ZBTB7B: variants seen among roughly 807,000 people sequenced by gnomAD.
The protein encoded by ZBTB7B is zinc finger and BTB domain-containing protein 7B.
Under a neutral mutation model 31.0 loss-of-function variants are expected in ZBTB7B, and 8 were observed. That is an observed-to-expected ratio of 0.26 (90% CI 0.15 to 0.47). The LOEUF (loss-of-function observed/expected upper bound fraction) is 0.47. ZBTB7B is among the 20% of genes least tolerant of loss of function. The pLI is 0.99. For synonymous variants in ZBTB7B, 261 were observed against 307.3 expected, an observed-to-expected ratio of 0.85 and a Z score of 1.58; for missense variants, 494 against 742.4, an observed-to-expected ratio of 0.67 and a Z score of 3.89.
In ZBTB7B at chr1:155,003,177, C is replaced by T. The variant is rs1376716532; in HGVS notation, c.-7+234C>T. On this transcript the variant is annotated intron_variant, in intron 1 of 2. Coordinates refer to ENST00000535420, the MANE Select transcript of ZBTB7B (RefSeq NM_001256455.2). This position sits in a 1 kb window ranked among gnomAD's most constrained non-coding sequence, Gnocchi z 5.8. ...TGCCCCCCAACCCTAGGCGGAGGGT[C>T]CCCAGAAAGTTTATCTGCACTTCTC... is the stretch of plus-strand genomic sequence containing the variant. Among the ~76,000 whole-genome samples the T allele has an allele frequency of 4.6e-5, 7 of 152,322 alleles. No individual in the cohort carries two copies. The East Asian group carries it at 1.2e-3, about 25-fold the overall frequency.
intron 1 of ZBTB7B, among the ~76,000 whole-genome samples, chr1:155,012,209 G>A (rs1485926432): frequency 1.3e-5 from 2 of 152,094 alleles, no homozygotes; most frequent in African/African-American, 4.8e-5. Context: ...AAGTTGCCAC[G>A]GAGACCGGCC....
chr1:155,017,348 G>GGGGGCAGTA lies in ZBTB7B; in HGVS notation c.*665_*673dup, dbSNP rs1558093615. The GGGGGCAGTA allele has an allele frequency of 9.5e-6, 1 of 104,936 alleles. No individual in the cohort carries two copies. Among genetic ancestry groups the GGGGGCAGTA allele is most frequent in the Admixed American group, 8.8e-5 (1 of 11,314 alleles). The allele number at this position is 104,936 out of a possible 1,614,324, so 6.5% of individuals were successfully genotyped here. Reference sequence around the variant, plus strand: ...TGGCCTGATTGGCTCGCCTGCCCCTGGGGGCAGTAGAGGGGCCCCGCCCAG... The same window carrying GGGGGCAGTA: ...TGGCCTGATTGGCTCGCCTGCCCCTGGGGGCAGTAGGGGCAGTAGAGGGGCCCCGCCCAG... On this transcript the variant is annotated 3_prime_UTR_variant, in exon 3 of 3. Transcript: ENST00000535420.
Position 155,015,088 on chromosome 1 carries a change from G to T in ZBTB7B, c.428G>T (p.Gly143Val). 1 of 1,613,728 alleles carries T rather than the reference G, an allele frequency of 6.2e-7. No homozygotes were observed. The highest frequency in any genetic ancestry group is 1.1e-5 in the South Asian group (1 of 91,090). ...GCTGCTTGCATGGAGATTCTGCAGG[G>T]CAGTGGGCTAGAAGCTCCCAGCCCG... ...VIAACMEILQ[G>V]SGLEAPSPDE... The change falls in exon 2 of 3, where the codon GGC becomes GTC. Residue 143 changes from glycine (G) to valine (V), a missense_variant. By Grantham distance (109) the Gly-to-Val change is moderately radical. This residue lies in a region of ZBTB7B where 90 missense variants were observed against 143.2 expected (regional missense o/e 0.63). Coordinates refer to ENST00000535420, the MANE Select transcript of ZBTB7B (RefSeq NM_001256455.2).
Position 155,016,158 on chromosome 1 carries a change from C to A in ZBTB7B, c.1155-62C>A. ...ATGGGACAAGGCCAGGGTGGGATGA[C>A]CAGGAGGAGCCAGGGATCCCATCCT... On this transcript the variant is annotated intron_variant, in intron 2 of 2. Transcript: ENST00000535420. This position sits in a 1 kb window ranked among gnomAD's most constrained non-coding sequence, Gnocchi z 4.3. 1.9e-6 allele frequency: 3 copies of A among 1,542,534 alleles called. No homozygotes were observed. Among genetic ancestry groups the A allele is most frequent in the Non-Finnish European group, 2.7e-6 (3 of 1,129,434 alleles).
chr1:155,005,919 G>A (rs991634955), intron 1 of ZBTB7B, among the ~76,000 whole-genome samples: 9 of 152,232 alleles, frequency 5.9e-5, no homozygotes, highest in Non-Finnish European at 1.3e-4. Flanking sequence ...TGGGAGGAAG[G>A]GGATAGAGCT....
rs539896975 is a variant in ZBTB7B, at chr1:155,004,400, G to A, written c.-7+1457G>A. On this transcript the variant is annotated intron_variant, in intron 1 of 2. Transcript: ENST00000535420. The surrounding 1 kb of genome is among the most constrained non-coding windows in gnomAD (Gnocchi z 4.0). The stretch of plus-strand genomic sequence containing the variant: ...CCAGATTGGGCTGTGAGGGGTTAAA[G>A]CAGGATGGGAACTGTCTGGTCCCTA... Among the ~76,000 whole-genome samples the A allele has an allele frequency of 1.3e-5, 2 of 152,282 alleles. No individual in the cohort carries two copies. The highest frequency in any genetic ancestry group is 1.9e-4 in the East Asian group (1 of 5,182).
rs1659581825 is a variant in ZBTB7B at position 155,017,868 on chromosome 1, C to T, written c.*1183C>T. On this transcript the variant is annotated 3_prime_UTR_variant, in exon 3 of 3. Transcript: ENST00000535420. ...CCCAGATCCTTGCCAGCCGGGCTTC[C>T]TGTCAGGCAGGGGAGAATAATCCCC... 6.6e-6 allele frequency: 1 copy of T among 152,454 alleles called. No homozygotes were observed. Among genetic ancestry groups the T allele is most frequent in the Non-Finnish European group, 1.5e-5 (1 of 68,154 alleles). The allele number at this position is 152,454 out of a possible 1,614,324, so 9.4% of individuals were successfully genotyped here.
chr1:155,004,054 C>T lies in ZBTB7B; in HGVS notation c.-7+1111C>T, dbSNP rs964864916. 2.6e-5 allele frequency among the ~76,000 whole-genome samples: 4 copies of T among 152,084 alleles called. No individual in the cohort carries two copies. The highest frequency in any genetic ancestry group is 9.7e-5 in the African/African-American group (4 of 41,410). ...GGGCGGCTGAGACATGGTGAGACCT[C>T]GGGGCGCCCTGGGGGGCAGGGGGGC... On this transcript the variant is annotated intron_variant, in intron 1 of 2. Transcript: ENST00000535420. The surrounding 1 kb of genome is among the most constrained non-coding windows in gnomAD (Gnocchi z 4.0).
chr1:155,013,974 T>C, intron 1 of ZBTB7B: 1 of 956,310 alleles, frequency 1.0e-6, no homozygotes, highest in Non-Finnish European at 1.2e-6. Flanking sequence ...AAGAGGATGA[T>C]GCTTGGAAGC....
chr1:155,001,795 C>A (rs999707347), upstream of ZBTB7B, among the ~76,000 whole-genome samples: 3 of 151,736 alleles, frequency 2.0e-5, no homozygotes, highest in Non-Finnish European at 2.9e-5. The surrounding 1 kb of genome is among the most constrained non-coding windows in gnomAD (Gnocchi z 4.8). Context: ...CGCGGGGCAC[C>A]GTCACGCGTG....
chr1:155,015,103 C>T lies in ZBTB7B; in HGVS notation c.443C>T (p.Ala148Val), dbSNP rs1182520975. 1 of 1,613,512 alleles carries T rather than the reference C, an allele frequency of 6.2e-7. No homozygotes were observed. Among genetic ancestry groups the T allele is most frequent in the Non-Finnish European group, 8.5e-7 (1 of 1,180,026 alleles). ...ATTCTGCAGGGCAGTGGGCTAGAAG[C>T]TCCCAGCCCGGACGAGGATGACTGT... ...MEILQGSGLE[A>V]PSPDEDDCER... Residue 148 changes from alanine to valine, a missense_variant, in exon 2 of 3, where the codon GCT becomes GTT. By Grantham distance (64) the Ala-to-Val change is moderately conservative (BLOSUM62 0). Coordinates refer to ENST00000535420, the MANE Select transcript of ZBTB7B (RefSeq NM_001256455.2).
chr1:155,012,738 A>G (rs1325353077), intron 1 of ZBTB7B, among the ~76,000 whole-genome samples: 1 of 151,836 alleles, frequency 6.6e-6, no homozygotes, highest in African/African-American at 2.4e-5. Context: ...GCAGGGAGGC[A>G]GACACAGAGA....
chr1:155,014,607 C>A, intron 1 of ZBTB7B, 48 bp from the exon 2 acceptor site: 1 of 1,548,210 alleles, frequency 6.5e-7, no homozygotes, highest in South Asian at 1.2e-5. Flanking sequence ...TTTCCCCAGA[C>A]CCCTGTGGGC....
At chr1:155,005,902 G>C (rs937564429) in intron 1 of ZBTB7B, among the ~76,000 whole-genome samples, 6 of 152,194 alleles carry the variant, frequency 3.9e-5, no homozygotes, top group East Asian at 1.9e-4. Context: ...AGGCGGGCCC[G>C]GGGGACTGGG....
At position 155,004,533 on chromosome 1, in the gene ZBTB7B, G is replaced by T. The variant is rs1168468463; in HGVS notation, c.-7+1590G>T. Among the ~76,000 whole-genome samples the T allele has an allele frequency of 6.6e-6, 1 of 152,160 alleles. No homozygotes were observed. Among genetic ancestry groups the T allele is most frequent in the African/African-American group, 2.4e-5 (1 of 41,430 alleles). ...GTCACCCCTGTACCCGCCTGGCACT[G>T]CTGGGAGAGCTGGCATGGAGTGGAC... On this transcript the variant is annotated intron_variant, in intron 1 of 2. Coordinates refer to ENST00000535420, the MANE Select transcript of ZBTB7B (RefSeq NM_001256455.2). This position sits in a 1 kb window ranked among gnomAD's most constrained non-coding sequence, Gnocchi z 4.0.
rs149024582 is a variant in ZBTB7B at position 155,017,439 on chromosome 1, T to A, written c.*754T>A. ...CCTCCCCACGGCCCTGGGCAGGGAA[T>A]GTCTTGTTCCCGCCGCTCCCTCCCC... On this transcript the variant is annotated 3_prime_UTR_variant, in exon 3 of 3. Coordinates refer to ENST00000535420, the MANE Select transcript of ZBTB7B (RefSeq NM_001256455.2). The A allele has an allele frequency of 1.3e-5, 2 of 149,460 alleles. No individual in the cohort carries two copies. The highest frequency in any genetic ancestry group is 3.0e-5 in the Non-Finnish European group (2 of 66,696). 9.3% of individuals were successfully genotyped at this position (149,460 alleles called of 1,614,324 possible). A position where few individuals can be genotyped will look rare whatever the true frequency, so the allele number is the denominator to read the frequency against.
intron 1 of ZBTB7B, among the ~76,000 whole-genome samples, chr1:155,005,895 CG>C (rs1658531257): frequency 6.6e-6 from 1 of 152,168 alleles, no homozygotes; most frequent in Admixed American, 6.5e-5. Context: ...GGCGCCAAGG[CG>C]GGCCCGGGGG....
chr1:155,006,532 A>T (rs1050360489), intron 1 of ZBTB7B, among the ~76,000 whole-genome samples: 4 of 152,216 alleles, frequency 2.6e-5, no homozygotes, highest in African/African-American at 9.7e-5. Context: ...AAGAGGGCTG[A>T]TGGCAGGCAA....
Position 155,018,341 on chromosome 1 carries a change from G to A in ZBTB7B, c.*1656G>A. The A allele has an allele frequency of 1.7e-6, 1 of 598,470 alleles. No individual in the cohort carries two copies. The highest frequency in any genetic ancestry group is 2.9e-6 in the Non-Finnish European group (1 of 340,908). 37.1% of individuals were successfully genotyped at this position (598,470 alleles called of 1,614,324 possible). A position where few individuals can be genotyped will look rare whatever the true frequency, so the allele number is the denominator to read the frequency against. ...GGTGATGGGGGGAGCCCAGGGCTGG[G>A]GAGACCTGGGGCCCAGCCCCAGAAA... On this transcript the variant is annotated 3_prime_UTR_variant, in exon 3 of 3. Transcript: ENST00000535420.
Sources: allele counts gnomAD v4.1 joint callset (sites outside exome capture counted in the v4.1 genomes callset), GRCh38; gene constraint gnomAD v4.1.1; regional missense constraint gnomAD v4.1.1; non-coding constraint Gnocchi (gnomAD v3.1); transcripts MANE v1.5; gene names NCBI Gene and HGNC (gene_info 2026-07-23, HGNC 2026-07-21).